Variants in PHC3 observed in about 807,000 individuals in gnomAD.
PHC3 encodes polyhomeotic homolog 3, also known as polyhomeotic-like protein 3.
In PHC3, 13 loss-of-function variants were observed where a neutral mutation model predicts 107.4. That is an observed-to-expected ratio of 0.12 (90% CI 0.08 to 0.19). The LOEUF is 0.19. Ranked by LOEUF, PHC3 falls within the 10% of genes least tolerant of loss-of-function variation. The pLI is 1.00. For missense variants in PHC3, 992 were observed against 1,210.9 expected (o/e 0.82, Z 2.68); for synonymous variants, 456 against 427.4 (o/e 1.07, Z -0.83).
Position 170,128,988 on chromosome 3 carries a change from G to C in PHC3, c.1484C>G (p.Ser495Cys). Residue 495 changes from serine to cysteine, a missense_variant, in exon 8 of 15, where the codon TCT becomes TGT. By Grantham distance (112) the Ser-to-Cys change is moderately radical. Around this residue, in one of 6 missense-constraint regions of PHC3, gnomAD observed 543 missense variants for 590.8 expected, o/e 0.92. Transcript: ENST00000495893. ...ALVSPGQQIV[S>C]PSHQQYSSLQ... is the part of the protein sequence containing the mutation. ...GGATGAATATTGCTGGTGTGATGGA[G>C]AGACAATCTGCTGGCCTGGGGATAC... The C allele has an allele frequency of 1.9e-6, 3 of 1,613,972 alleles. 1 individual carries two copies. The highest frequency in any genetic ancestry group is 3.3e-4 in the Middle Eastern group (2 of 6,062).
At chr3:170,137,684 A>G (rs1486733111) in intron 6 of PHC3, among the ~76,000 whole-genome samples, 1 of 152,200 alleles carries the variant, frequency 6.6e-6, no homozygotes, top group African/African-American at 2.4e-5. Context: ...AGATCACCTG[A>G]GGTAAGGAAT....
chr3:170,115,877 TCACACACACA>T lies in PHC3; in HGVS notation c.2193+1339_2193+1348del, dbSNP rs148039100. Among the ~76,000 whole-genome samples the T allele has an allele frequency of 2.7e-5, 4 of 148,572 alleles. No homozygotes were observed. In the South Asian group the frequency reaches 8.6e-4, roughly 32 times the overall value. ...AATTGTTATAGGAAATCCAAGTTTCTCACACACACACACACACACACACACACGAAATTGA... is the reference window on the plus strand; with the variant it reads ...AATTGTTATAGGAAATCCAAGTTTCTCACACACACACACACACGAAATTGA... On this transcript the variant is annotated intron_variant, in intron 10 of 14. Coordinates refer to ENST00000495893, the MANE Select transcript of PHC3 (RefSeq NM_024947.4).
Position 170,128,936 on chromosome 3 carries a change from T to C in PHC3, c.1536A>G (p.Ala512=), listed in dbSNP as rs754229739. The change falls in exon 8 of 15, where the codon GCA becomes GCG. Residue 512 remains alanine, a synonymous_variant. Transcript: ENST00000495893. ...GAGATGTCGACATCTGTGGAGGACT[T>C]GCAATTGGGATTGGAGAGGACTGCA... The part of the protein sequence containing the change: ...SSLQSSPIPI[A]SPPQMSTSPP... 1.2e-6 allele frequency: 2 copies of C among 1,613,946 alleles called. No homozygotes were observed. The highest frequency in any genetic ancestry group is 1.7e-6 in the Non-Finnish European group (2 of 1,179,878).
Position 170,097,388 on chromosome 3 carries a change from G to T in PHC3, c.2834-4C>A, listed in dbSNP as rs764312289. 1.7e-5 allele frequency: 28 copies of T among 1,611,528 alleles called. No homozygotes were observed. The highest frequency in any genetic ancestry group is 2.2e-5 in the Non-Finnish European group (26 of 1,178,534). On this transcript the variant is annotated splice_polypyrimidine_tract_variant and splice_region_variant and intron_variant, in intron 14 of 14. Coordinates refer to ENST00000495893, the MANE Select transcript of PHC3 (RefSeq NM_024947.4). This position sits in a 1 kb window ranked among gnomAD's most constrained non-coding sequence, Gnocchi z 4.1. ...TCATCTGCGATATCCTGGCAGCCTGGAATTTGACCAGAGGACAGAAGTTAG... is the reference window on the plus strand; with the variant it reads ...TCATCTGCGATATCCTGGCAGCCTGTAATTTGACCAGAGGACAGAAGTTAG...
At chr3:170,171,196 A>T in intron 4 of PHC3, 177 bp downstream of exon 4, 3 of 576,190 alleles carry the variant, frequency 5.2e-6, no homozygotes, top group East Asian at 3.0e-5. Context: ...TCAGATTTTC[A>T]TAAGTTTAAC....
At chr3:170,166,583 T>C (rs932808566) in intron 4 of PHC3, among the ~76,000 whole-genome samples, 2 of 152,192 alleles carry the variant, frequency 1.3e-5, no homozygotes, top group African/African-American at 4.8e-5. Flanking sequence ...CTATTATACA[T>C]CCTGCATATG....
chr3:170,127,561 AT>A (rs1335027674), intron 8 of PHC3, among the ~76,000 whole-genome samples: 1 of 152,258 alleles, frequency 6.6e-6, no homozygotes, highest in Non-Finnish European at 1.5e-5. Context: ...AAATCTATAC[AT>A]TTGTATCATG....
At position 170,143,103 on chromosome 3, in the gene PHC3, G is replaced by A. The variant is rs1724366706; in HGVS notation, c.672+2320C>T. ...GAGGTGGGAGGATGGCTTGAGCCCA[G>A]GGAGGTCAAGGCTACAATGAGCCAT... On this transcript the variant is annotated intron_variant, in intron 6 of 14. Coordinates refer to ENST00000495893, the MANE Select transcript of PHC3 (RefSeq NM_024947.4). Among the ~76,000 whole-genome samples, 3 of 152,266 alleles carry A rather than the reference G, an allele frequency of 2.0e-5. No individual in the cohort carries two copies. The South Asian group carries it at 6.2e-4, about 32-fold the overall frequency.
chr3:170,103,026 G>A, intron 12 of PHC3, 92 bp from the exon 13 acceptor site: 1 of 1,220,218 alleles, frequency 8.2e-7, no homozygotes. Context: ...CTGTGAATCA[G>A]TAAGTACCAC....
chr3:170,163,572 T>C (rs1012805297), intron 4 of PHC3, among the ~76,000 whole-genome samples: 4 of 151,540 alleles, frequency 2.6e-5, no homozygotes, highest in African/African-American at 9.7e-5. Context: ...CGTATAGAAA[T>C]GCATAGTCCG....
chr3:170,090,147 G>C lies in PHC3; in HGVS notation c.*7083C>G, dbSNP rs936332654. ...AATTTTGTAACTTAATCAGGTATGG[G>C]GCCAACTGATGTTTAGTATGTGAAA... On this transcript the variant is annotated 3_prime_UTR_variant, in exon 15 of 15. Coordinates refer to ENST00000495893, the MANE Select transcript of PHC3 (RefSeq NM_024947.4). 22 of 152,046 alleles carry C rather than the reference G, an allele frequency of 1.4e-4. No individual in the cohort carries two copies. Among genetic ancestry groups the C allele is most frequent in the African/African-American group, 5.1e-4 (21 of 41,486 alleles). 9.4% of individuals were successfully genotyped at this position (152,046 alleles called of 1,614,324 possible). A position where few individuals can be genotyped will look rare whatever the true frequency, so the allele number is the denominator to read the frequency against.
chr3:170,105,217 A>C (rs1716254969), intron 12 of PHC3, among the ~76,000 whole-genome samples: 1 of 152,228 alleles, frequency 6.6e-6, no homozygotes, highest in Non-Finnish European at 1.5e-5. Context: ...AGAGTTTTTA[A>C]ATCACTTAGA....
chr3:170,149,484 C>T (rs555036013), intron 4 of PHC3, among the ~76,000 whole-genome samples: 3 of 151,538 alleles, frequency 2.0e-5, no homozygotes, highest in East Asian at 1.9e-4. Flanking sequence ...ATGGGAGTTT[C>T]GCTCTTGTTG....
intron 6 of PHC3, among the ~76,000 whole-genome samples, chr3:170,138,255 T>C (rs1045810320): frequency 1.3e-5 from 2 of 152,148 alleles, no homozygotes; most frequent in African/African-American, 4.8e-5. Context: ...GCCAAACTTT[T>C]CATCAGTTCT....
chr3:170,178,172 C>T (rs1730806012), intron 2 of PHC3, among the ~76,000 whole-genome samples: 1 of 143,248 alleles, frequency 7.0e-6, no homozygotes, highest in Admixed American at 7.2e-5. Flanking sequence ...GAGACGGAGT[C>T]TCGTTCTGTC....
chr3:170,178,767 A>T lies in PHC3; in HGVS notation c.180+6T>A. On this transcript the variant is annotated splice_donor_region_variant and intron_variant, in intron 2 of 14. Transcript: ENST00000495893. ...CTTAGACTACCCATCACTACAGCTG[A>T]AATACCTGTACAGCATGTCGGTCTG... 1 of 1,613,746 alleles carries T rather than the reference A, an allele frequency of 6.2e-7. No individual in the cohort carries two copies. The highest frequency in any genetic ancestry group is 8.5e-7 in the Non-Finnish European group (1 of 1,179,600).
intron 6 of PHC3, among the ~76,000 whole-genome samples, chr3:170,142,875 A>G (rs907933562): frequency 1.3e-5 from 2 of 152,194 alleles, no homozygotes; most frequent in African/African-American, 2.4e-5. Flanking sequence ...AACAAAAAAA[A>G]AGAAGATCAT....
intron 11 of PHC3, among the ~76,000 whole-genome samples, chr3:170,112,430 G>C (rs1243559682): frequency 6.6e-6 from 1 of 150,544 alleles, no homozygotes; most frequent in Admixed American, 6.6e-5. Flanking sequence ...TCACCATGTT[G>C]GCCAGGATGG....
chr3:170,117,183 T>C, intron 10 of PHC3, 43 bp downstream of exon 10: 1 of 1,610,620 alleles, frequency 6.2e-7, no homozygotes, highest in East Asian at 2.2e-5. Flanking sequence ...AAAATAATGT[T>C]ATATAAATTA....
Sources: gnomAD v4.1 joint callset for allele counts (sites outside exome capture counted in the v4.1 genomes callset) on GRCh38, gnomAD v4.1.1 for gene constraint, gnomAD v4.1.1 regional missense constraint, Gnocchi (gnomAD v3.1) non-coding constraint, MANE v1.5 for transcripts, NCBI Gene and HGNC (gene_info 2026-07-23, HGNC 2026-07-21) for gene names.